NTAN1: variants seen among roughly 807,000 people sequenced by gnomAD.
NTAN1 encodes protein N-terminal asparagine amidohydrolase.
Under a neutral mutation model 41.9 loss-of-function variants are expected in NTAN1, and 32 were observed. The ratio of observed to expected loss-of-function variants is 0.76; its 90% CI spans 0.58 to 1.03. The LOEUF (loss-of-function observed/expected upper bound fraction) is 1.03, where lower values mean the gene tolerates loss of function less well. NTAN1 is among the 50% of genes least tolerant of loss of function. The pLI is 0.00. For missense variants in NTAN1, 377 were observed against 377.5 expected, an observed-to-expected ratio of 1.00 and a Z score of 0.01; for synonymous variants, 140 against 139.5, an observed-to-expected ratio of 1.00 and a Z score of -0.03.
intron 1 of NTAN1, among the ~76,000 whole-genome samples, chr16:15,050,073 T>A (rs1021081554): frequency 2.0e-5 from 3 of 152,206 alleles, no homozygotes; most frequent in African/African-American, 7.2e-5. Context: ...ACATAGTTAT[T>A]GTTAGAATAC....
At chr16:15,047,298 C>T (rs2044112872) in intron 4 of NTAN1, 144 bp downstream of exon 4, 6 of 645,652 alleles carry the variant, frequency 9.3e-6, no homozygotes, top group Admixed American at 2.4e-5. Flanking sequence ...GCAGTGCCCA[C>T]GTCGTGCCAG....
chr16:15,055,725 G>A (rs1007790657), intron 1 of NTAN1, 166 bp downstream of exon 1: 6 of 387,382 alleles, frequency 1.5e-5, no homozygotes, highest in African/African-American at 1.0e-4. Flanking sequence ...TCTAAAGAAG[G>A]CAAAAACTCC....
intron 4 of NTAN1, 139 bp from the exon 5 acceptor site, chr16:15,044,546 A>G: frequency 3.0e-6 from 2 of 665,492 alleles, no homozygotes; most frequent in South Asian, 1.7e-5. Context: ...GCCACCGCAA[A>G]AGAAAGTATC....
rs892151678 is a variant in NTAN1, at chr16:15,040,154, G to A, written c.542-88C>T. ...CTTACATTTCTACCACCACTCCTAAGAGAAAGATAGGAAAGTGAACAGAAT... is the reference window on the plus strand; with the variant it reads ...CTTACATTTCTACCACCACTCCTAAAAGAAAGATAGGAAAGTGAACAGAAT... On this transcript the variant is annotated intron_variant, in intron 7 of 9. Transcript: ENST00000287706. 2.7e-5 allele frequency: 19 copies of A among 707,654 alleles called. No homozygotes were observed. The African/African-American group carries it at 3.4e-4, about 13-fold the overall frequency. 43.8% of individuals were successfully genotyped at this position (707,654 alleles called of 1,614,324 possible).
chr16:15,044,640 A>G, intron 4 of NTAN1: 1 of 570,626 alleles, frequency 1.8e-6, no homozygotes, highest in Non-Finnish European at 3.1e-6. Flanking sequence ...GTATCTGAAC[A>G]CAAATGTGAT....
At chr16:15,052,091 T>A (rs1378189504) in intron 1 of NTAN1, among the ~76,000 whole-genome samples, 1 of 152,066 alleles carries the variant, frequency 6.6e-6, no homozygotes, top group Non-Finnish European at 1.5e-5. Flanking sequence ...CTTAACCCAG[T>A]GACCAGCAGA....
chr16:15,053,167 A>G (rs1292001845), intron 1 of NTAN1, among the ~76,000 whole-genome samples: 1 of 152,254 alleles, frequency 6.6e-6, no homozygotes, highest in African/African-American at 2.4e-5. Context: ...GCTCGTGGCT[A>G]CTGTACTGAA....
intron 1 of NTAN1, among the ~76,000 whole-genome samples, chr16:15,054,937 T>C (rs2044443398): frequency 6.6e-6 from 1 of 152,200 alleles, no homozygotes; most frequent in Admixed American, 6.5e-5. Flanking sequence ...TTCCTGTGCT[T>C]CCCATCTCAG....
intron 6 of NTAN1, among the ~76,000 whole-genome samples, chr16:15,041,324 C>T (rs1368538320): frequency 6.6e-6 from 1 of 152,100 alleles, no homozygotes; most frequent in Non-Finnish European, 1.5e-5. Context: ...GCTGCAGAAT[C>T]GGTCCCCACT....
intron 4 of NTAN1, 98 bp from the exon 5 acceptor site, chr16:15,044,505 G>A (rs2043964630): frequency 1.2e-6 from 1 of 806,860 alleles, no homozygotes; most frequent in South Asian, 1.4e-5. Context: ...ATGAACACTT[G>A]CTCTACAGCA....
In NTAN1 at chr16:15,038,130, G is replaced by GTGTT. The variant is rs754607440; in HGVS notation, c.830_833dup (p.His278GlnfsTer14). 19 of 1,610,472 alleles carry GTGTT rather than the reference G, an allele frequency of 1.2e-5. No individual in the cohort carries two copies. The highest frequency in any genetic ancestry group is 6.6e-5 in the South Asian group (6 of 91,006). On this transcript the variant is annotated frameshift_variant, in exon 10 of 10. Transcript: ENST00000287706. LOFTEE classifies it high-confidence loss of function. The stretch of plus-strand genomic sequence containing the variant: ...AAAACAGTGTGTGAGCTGGAGATGG[G>GTGTT]TGTTTTTTTAAAAACATCAAGGTAG...
At chr16:15,055,833 C>T (rs939883122) in intron 1 of NTAN1, 58 bp downstream of exon 1, 45 of 950,856 alleles carry the variant, frequency 4.7e-5, no homozygotes, top group Admixed American at 1.7e-4. Flanking sequence ...GGGGCGCTAG[C>T]CCGCCCTGCA....
At chr16:15,053,927 C>A (rs1035757536) in intron 1 of NTAN1, among the ~76,000 whole-genome samples, 17 of 152,100 alleles carry the variant, frequency 1.1e-4, no homozygotes, top group African/African-American at 3.1e-4. Flanking sequence ...AACCAACCAA[C>A]CAAACAAACA....
chr16:15,039,924 G>GA (rs759452443), intron 8 of NTAN1, 45 bp downstream of exon 8: 24 of 1,036,766 alleles, frequency 2.3e-5, no homozygotes, highest in Non-Finnish European at 3.5e-5. Flanking sequence ...GACATTTGAT[G>GA]CCTTTTTTTT....
At chr16:15,053,779 C>T (rs1031771485) in intron 1 of NTAN1, among the ~76,000 whole-genome samples, 3 of 152,104 alleles carry the variant, frequency 2.0e-5, no homozygotes, top group African/African-American at 7.2e-5. Flanking sequence ...GGTGTGGTGG[C>T]ATGCACCTGT....
chr16:15,041,695 G>C lies in NTAN1; in HGVS notation c.434-19C>G. 2 of 1,590,660 alleles carry C rather than the reference G, an allele frequency of 1.3e-6. No individual in the cohort carries two copies. Among genetic ancestry groups the C allele is most frequent in the Non-Finnish European group, 1.7e-6 (2 of 1,158,766 alleles). ...AATTCACCTATGATGAGAATTTTAA[G>C]ACCAGAAGTCAGAAAAGTTCCTCTA... On this transcript the variant is annotated intron_variant, in intron 5 of 9. Transcript: ENST00000287706.
intron 8 of NTAN1, 151 bp downstream of exon 8, chr16:15,039,818 G>C: frequency 1.7e-6 from 1 of 596,768 alleles, no homozygotes; most frequent in Non-Finnish European, 3.0e-6. Context: ...AGCAAGTGTG[G>C]GGAGGGGTAT....
intron 5 of NTAN1, among the ~76,000 whole-genome samples, chr16:15,043,807 G>A (rs1473088364): frequency 6.6e-6 from 1 of 152,082 alleles, no homozygotes; most frequent in East Asian, 1.9e-4. Flanking sequence ...AATTAGGTGG[G>A]TGTGGTGGCG....
chr16:15,044,499 A>G, intron 4 of NTAN1, 92 bp from the exon 5 acceptor site: 1 of 842,296 alleles, frequency 1.2e-6, no homozygotes, highest in Non-Finnish European at 2.0e-6. Flanking sequence ...GTTTCCATGA[A>G]CACTTGCTCT....
Sources: allele counts gnomAD v4.1 joint callset (sites outside exome capture counted in the v4.1 genomes callset), GRCh38; gene constraint gnomAD v4.1.1; transcripts MANE v1.5; gene names NCBI Gene and HGNC (gene_info 2026-07-23, HGNC 2026-07-21).